Variants in RFC3 observed in about 807,000 individuals in gnomAD.
RFC3 encodes A1 38 kDa subunit.
Under a neutral mutation model 45.1 loss-of-function variants are expected in RFC3, and 41 were observed. The ratio of observed to expected loss-of-function variants is 0.91; its 90% CI spans 0.71 to 1.18. RFC3 has a LOEUF of 1.18. Among genes scored for constraint, RFC3 ranks in the 50% most tolerant of loss-of-function variants. The pLI is 0.00. For synonymous variants in RFC3, 149 were observed against 144.0 expected, an observed-to-expected ratio of 1.03 and a Z score of -0.25; for missense variants, 423 against 428.1, an observed-to-expected ratio of 0.99 and a Z score of 0.10.
chr13:33,962,154 C>G (rs950069587), intron 8 of RFC3, among the ~76,000 whole-genome samples: 3 of 152,122 alleles, frequency 2.0e-5, no homozygotes, highest in African/African-American at 7.2e-5. Context: ...GGATCCTTTT[C>G]CCAAACTTCC....
intron 8 of RFC3, among the ~76,000 whole-genome samples, chr13:33,872,496 G>T (rs367974653): frequency 6.6e-6 from 1 of 152,206 alleles, no homozygotes; most frequent in African/African-American, 2.4e-5. Flanking sequence ...CACTTTGGGA[G>T]GCCAAGGCGG....
At chr13:33,914,712 A>G (rs570388562) in intron 8 of RFC3, among the ~76,000 whole-genome samples, 7 of 152,308 alleles carry the variant, frequency 4.6e-5, no homozygotes, top group African/African-American at 1.7e-4. Flanking sequence ...ATTAAGAATG[A>G]CAATCCCATT....
chr13:33,929,982 T>C (rs1012299930), intron 8 of RFC3, among the ~76,000 whole-genome samples: 10 of 152,266 alleles, frequency 6.6e-5, no homozygotes, highest in Admixed American at 6.5e-4. Flanking sequence ...TTTGTGATAA[T>C]TTGATACTTA....
the RFC3 span, among the ~76,000 whole-genome samples, chr13:33,973,140 C>CTG: frequency 0.016 from 2,368 of 151,306 alleles, 32 homozygotes; most frequent in Non-Finnish European, 0.014. Context: ...ATATTGCAGA[C>CTG]TGTGTGTGTG....
chr13:33,871,421 A>AT (rs2082408815), intron 8 of RFC3, among the ~76,000 whole-genome samples: 1 of 152,074 alleles, frequency 6.6e-6, no homozygotes, highest in Admixed American at 6.6e-5. Context: ...CCTTCCTCGT[A>AT]TCCCTCCAAC....
Position 33,829,888 on chromosome 13 carries a change from G to A in RFC3, c.444G>A (p.Leu148=), listed in dbSNP as rs2082085790. Residue 148 remains leucine (L), a synonymous_variant, in exon 5 of 9, where the codon TTG becomes TTA. Coordinates refer to ENST00000380071, the MANE Select transcript of RFC3 (RefSeq NM_002915.4). The part of the protein sequence containing the change: ...DKLTKDAQHA[L]RRTMEKYMST... The stretch of plus-strand genomic sequence containing the variant: ...TCACCAAAGATGCTCAGCATGCCTT[G>A]CGAAGAACCATGGAAAAATATATGT... 6.2e-7 allele frequency: 1 copy of A among 1,613,988 alleles called. No individual in the cohort carries two copies. The highest frequency in any genetic ancestry group is 1.3e-5 in the African/African-American group (1 of 74,906).
intron 8 of RFC3, among the ~76,000 whole-genome samples, chr13:33,885,646 G>A (rs1037040293): frequency 2.6e-5 from 4 of 152,132 alleles, no homozygotes; most frequent in African/African-American, 9.7e-5. Flanking sequence ...TTTAGCTGAA[G>A]CATACTACTC....
chr13:33,902,614 T>C (rs903894553), intron 8 of RFC3, among the ~76,000 whole-genome samples: 10 of 152,206 alleles, frequency 6.6e-5, no homozygotes, highest in Middle Eastern at 3.4e-3. Context: ...AGCCTATCAG[T>C]TATACTTCCC....
intron 2 of RFC3, among the ~76,000 whole-genome samples, chr13:33,822,385 A>G (rs1002710498): frequency 6.6e-5 from 10 of 152,230 alleles, no homozygotes; most frequent in African/African-American, 2.4e-4. Flanking sequence ...GGTTGTTACA[A>G]TTGTATGAAA....
intron 8 of RFC3, among the ~76,000 whole-genome samples, chr13:33,877,275 C>A (rs750915442): frequency 1.2e-4 from 18 of 152,186 alleles, no homozygotes; most frequent in Non-Finnish European, 2.4e-4. Context: ...GCTGTATTGA[C>A]TGTTTCTTAT....
At position 33,908,768 on chromosome 13, in the gene RFC3, G is replaced by A. The variant is rs79262621; in HGVS notation, c.880-57319G>A. Among the ~76,000 whole-genome samples the A allele has an allele frequency of 1.2e-4, 18 of 152,058 alleles. No homozygotes were observed. In the East Asian group the frequency reaches 3.5e-3, roughly 30 times the overall value. ...GTTTAGATCCTGTTTAAGTCCAAAG[G>A]CCTGAGAACCAGAAGAGCCAATGAC... On this transcript the variant is annotated intron_variant, in intron 8 of 8. Coordinates refer to the RFC3 transcript ENST00000434425.
chr13:33,945,897 C>A (rs1233965358), intron 8 of RFC3, among the ~76,000 whole-genome samples: 2 of 152,158 alleles, frequency 1.3e-5, no homozygotes, highest in Non-Finnish European at 1.5e-5. Context: ...ATCTTTGTTT[C>A]CTCTTTCCAT....
chr13:33,819,380 A>T (rs2081981038), intron 1 of RFC3, among the ~76,000 whole-genome samples: 1 of 152,202 alleles, frequency 6.6e-6, no homozygotes, highest in Admixed American at 6.5e-5. Flanking sequence ...CCTTTTAAGG[A>T]ACTCAAATTA....
chr13:33,819,863 A>C (rs921037473), intron 1 of RFC3, among the ~76,000 whole-genome samples: 2 of 152,196 alleles, frequency 1.3e-5, no homozygotes, highest in African/African-American at 4.8e-5. Flanking sequence ...TTAAAGCATA[A>C]CCCTTATTTT....
chr13:33,836,010 A>G, intron 8 of RFC3, 94 bp from the exon 9 acceptor site: 2 of 1,218,842 alleles, frequency 1.6e-6, no homozygotes, highest in Non-Finnish European at 2.3e-6. Flanking sequence ...TAAAGAGAGT[A>G]TGTTTAACTT....
intron 8 of RFC3, among the ~76,000 whole-genome samples, chr13:33,930,886 T>G (rs1404768557): frequency 6.6e-6 from 1 of 152,182 alleles, no homozygotes; most frequent in Non-Finnish European, 1.5e-5. Flanking sequence ...CCTTTAGTTC[T>G]TTTGGAAAAT....
chr13:33,929,589 AT>A (rs1223823433), intron 8 of RFC3, among the ~76,000 whole-genome samples: 1 of 152,068 alleles, frequency 6.6e-6, no homozygotes, highest in African/African-American at 2.4e-5. Flanking sequence ...ATGTCATGTC[AT>A]TTTAATTCAT....
chr13:33,837,105 A>G lies in RFC3; in HGVS notation c.*810A>G. 1 of 902,548 alleles carries G rather than the reference A, an allele frequency of 1.1e-6. No homozygotes were observed. Among genetic ancestry groups the G allele is most frequent in the Non-Finnish European group, 1.3e-6 (1 of 754,564 alleles). 55.9% of individuals were successfully genotyped at this position (902,548 alleles called of 1,614,324 possible). ...TCCTTTACTACGAAGTATAATTTATAAAATAAAATATACCCATTTTAAGGG... is the reference window on the plus strand; with the variant it reads ...TCCTTTACTACGAAGTATAATTTATGAAATAAAATATACCCATTTTAAGGG... On this transcript the variant is annotated 3_prime_UTR_variant, in exon 9 of 9. Transcript: ENST00000380071.
intron 8 of RFC3, chr13:33,850,037 A>G (rs188378318): frequency 6.6e-6 from 1 of 152,302 alleles, no homozygotes; most frequent in Admixed American, 6.5e-5. Flanking sequence ...ATTGTTTTCA[A>G]TTATTAATTG....
Sources: gnomAD v4.1 joint callset for allele counts (sites outside exome capture counted in the v4.1 genomes callset) on GRCh38, gnomAD v4.1.1 for gene constraint, MANE v1.5 for transcripts, NCBI Gene and HGNC (gene_info 2026-07-23, HGNC 2026-07-21) for gene names.